The following RORA variants were observed in gnomAD, a reference collection of about 807,000 sequenced individuals.
The protein encoded by RORA is RAR related orphan receptor A, also known as nuclear receptor ROR-alpha.
Under a neutral mutation model 69.5 loss-of-function variants are expected in RORA, and 7 were observed. The ratio of observed to expected loss-of-function variants is 0.10; its 90% CI spans 0.06 to 0.19. The LOEUF is 0.19. Ranked by LOEUF, RORA falls within the 10% of genes least tolerant of loss-of-function variation. The probability of loss-of-function intolerance (pLI) is 1.00; values close to 1 mark genes in which losing one functional copy is unlikely to be tolerated. For synonymous variants in RORA, 261 were observed against 240.8 expected, an observed-to-expected ratio of 1.08 and a Z score of -0.78; for missense variants, 457 against 663.0, an observed-to-expected ratio of 0.69 and a Z score of 3.41.
intron 8 of RORA, among the ~76,000 whole-genome samples, chr15:60,501,351 G>C (rs1344688959): frequency 6.6e-6 from 1 of 152,154 alleles, no homozygotes; most frequent in Non-Finnish European, 1.5e-5. Flanking sequence ...AAAATAATGA[G>C]ATTGAACTTT....
At chr15:60,845,988 G>A (rs114985958) in intron 1 of RORA, among the ~76,000 whole-genome samples, 3,006 of 152,188 alleles carry the variant, frequency 0.02, 95 homozygotes, top group African/African-American at 0.068. Context: ...CTCGTGATCC[G>A]CTCCCCTCGG....
At chr15:61,082,616 G>A (rs2078562115) in intron 1 of RORA, among the ~76,000 whole-genome samples, 1 of 152,242 alleles carries the variant, frequency 6.6e-6, no homozygotes. Context: ...ACTTGAGTAT[G>A]TGTGGACAGG....
intron 1 of RORA, among the ~76,000 whole-genome samples, chr15:60,800,469 A>C (rs956962677): frequency 3.9e-5 from 6 of 152,198 alleles, no homozygotes; most frequent in African/African-American, 1.2e-4. Flanking sequence ...GAAAGTATCA[A>C]CCTTATAAAC....
chr15:60,805,178 C>T (rs2072642942), intron 1 of RORA, among the ~76,000 whole-genome samples: 1 of 152,192 alleles, frequency 6.6e-6, no homozygotes, highest in African/African-American at 2.4e-5. Context: ...TCCCCTCTCA[C>T]CATGACGCCA....
At chr15:61,150,872 T>C (rs1232711074) in intron 1 of RORA, among the ~76,000 whole-genome samples, 1 of 152,226 alleles carries the variant, frequency 6.6e-6, no homozygotes, top group Non-Finnish European at 1.5e-5. Flanking sequence ...ATCATTACAT[T>C]GTGTCAGCTG....
intron 1 of RORA, among the ~76,000 whole-genome samples, chr15:61,115,297 A>T (rs2079041284): frequency 6.6e-6 from 1 of 152,116 alleles, no homozygotes. Flanking sequence ...AAAAATGTAA[A>T]TAGGAGCCAC....
intron 1 of RORA, among the ~76,000 whole-genome samples, chr15:61,044,147 C>T (rs1896915143): frequency 6.6e-6 from 1 of 152,112 alleles, no homozygotes; most frequent in African/African-American, 2.4e-5. Context: ...CAATTAGCTT[C>T]CTCTGCTAGG....
At chr15:60,928,915 G>A (rs894545536) in intron 1 of RORA, among the ~76,000 whole-genome samples, 2 of 152,186 alleles carry the variant, frequency 1.3e-5, no homozygotes, top group East Asian at 1.9e-4. Flanking sequence ...GTTTACCTGA[G>A]CTTCCAAAGG....
intron 2 of RORA, among the ~76,000 whole-genome samples, chr15:60,661,813 T>C (rs1481142011): frequency 6.6e-6 from 1 of 152,190 alleles, no homozygotes; most frequent in East Asian, 1.9e-4. Context: ...TGTCCAGAAC[T>C]ACCTGGTATC....
At chr15:60,807,911 A>G (rs754447146) in intron 1 of RORA, among the ~76,000 whole-genome samples, 2 of 152,232 alleles carry the variant, frequency 1.3e-5, no homozygotes, top group Non-Finnish European at 2.9e-5. Context: ...CTTTCACCTT[A>G]TACAAATATC....
intron 1 of RORA, among the ~76,000 whole-genome samples, chr15:60,927,728 C>T (rs1180765131): frequency 6.6e-6 from 1 of 152,172 alleles, no homozygotes; most frequent in African/African-American, 2.4e-5. Flanking sequence ...GAGCCAAGAT[C>T]ACACCACTGC....
At chr15:60,764,039 C>T (rs775782524) in intron 1 of RORA, 1 of 152,068 alleles carries the variant, frequency 6.6e-6, no homozygotes, top group Non-Finnish European at 1.5e-5. Flanking sequence ...TTTCCTGCTG[C>T]CTGTGGCAAT....
At chr15:60,639,836 A>G (rs2069910325) in intron 2 of RORA, among the ~76,000 whole-genome samples, 3 of 152,178 alleles carry the variant, frequency 2.0e-5, no homozygotes, top group African/African-American at 7.2e-5. Context: ...GTTAAATATA[A>G]TGACATGGGA....
Position 60,919,774 on chromosome 15 carries a change from C to T in RORA, c.167-241088G>A, listed in dbSNP as rs181065051. ...TTTCCTTAGGTAGGAGTTTTCATTACGGTTTTCTTTTCCTCTCTTTTGCCT... is the reference window on the plus strand; with the variant it reads ...TTTCCTTAGGTAGGAGTTTTCATTATGGTTTTCTTTTCCTCTCTTTTGCCT... On this transcript the variant is annotated intron_variant, in intron 1 of 10. Coordinates refer to ENST00000335670, the MANE Select transcript of RORA (RefSeq NM_134261.3). Among the ~76,000 whole-genome samples, 616 of 152,268 alleles carry T rather than the reference C, an allele frequency of 4.0e-3. 3 individuals carry two copies. Among genetic ancestry groups the T allele is most frequent in the Non-Finnish European group, 5.0e-3 (343 of 68,018 alleles).
chr15:61,202,924 A>G lies in RORA; in HGVS notation c.166+26129T>C, dbSNP rs750169912. Among the ~76,000 whole-genome samples, 13 of 152,332 alleles carry G rather than the reference A, an allele frequency of 8.5e-5. No homozygotes were observed. In the South Asian group the frequency reaches 1.0e-3, roughly 12 times the overall value. On this transcript the variant is annotated intron_variant, in intron 1 of 10. Transcript: ENST00000335670. The stretch of plus-strand genomic sequence containing the variant: ...GTACAACCCAAGAAACACAGTACTC[A>G]GTGAGAAAAATAATTTCTGCTGAAG...
At chr15:60,993,131 T>TG (rs1894431960) in intron 1 of RORA, among the ~76,000 whole-genome samples, 1 of 152,206 alleles carries the variant, frequency 6.6e-6, no homozygotes, top group South Asian at 2.1e-4. Flanking sequence ...AGCTCTTTCT[T>TG]GGATAGTGGT....
At chr15:60,604,877 T>C (rs1016781348) in intron 2 of RORA, among the ~76,000 whole-genome samples, 5 of 152,144 alleles carry the variant, frequency 3.3e-5, no homozygotes, top group African/African-American at 1.2e-4. Context: ...AGTCAGGCAA[T>C]AAACATGAAA....
intron 1 of RORA, among the ~76,000 whole-genome samples, chr15:60,876,073 AG>A (rs2073610458): frequency 6.6e-6 from 1 of 152,210 alleles, no homozygotes; most frequent in Non-Finnish European, 1.5e-5. Context: ...CAGTTGTGAA[AG>A]CCAAGGGTTT....
intron 1 of RORA, among the ~76,000 whole-genome samples, chr15:60,722,070 C>T (rs1223306972): frequency 6.6e-6 from 1 of 152,216 alleles, no homozygotes; most frequent in African/African-American, 2.4e-5. Context: ...ATACCAATAC[C>T]TTTTCTACTG....
Sources: gnomAD v4.1 joint callset for allele counts (sites outside exome capture counted in the v4.1 genomes callset) on GRCh38, gnomAD v4.1.1 for gene constraint, MANE v1.5 for transcripts, NCBI Gene and HGNC (gene_info 2026-07-23, HGNC 2026-07-21) for gene names.